Variants in CTNNA2 observed in about 807,000 individuals in gnomAD.
The protein encoded by CTNNA2 is catenin alpha-2.
A neutral mutation model predicts 101.0 loss-of-function variants in CTNNA2; 42 were observed. The ratio of observed to expected loss-of-function variants is 0.42; its 90% confidence interval spans 0.32 to 0.54. The LOEUF (loss-of-function observed/expected upper bound fraction) is 0.54. CTNNA2 is among the 20% of genes least tolerant of loss of function. The probability of loss-of-function intolerance (pLI) is 0.14; values close to 1 mark genes in which losing one functional copy is unlikely to be tolerated. For synonymous variants in CTNNA2, 450 were observed against 456.4 expected (o/e 0.99, Z 0.18); for missense variants, 871 against 1,223.1 (o/e 0.71, Z 4.29).
intron 9 of CTNNA2, among the ~76,000 whole-genome samples, chr2:80,449,899 A>C (rs1383118228): frequency 1.3e-5 from 2 of 152,198 alleles, no homozygotes; most frequent in Non-Finnish European, 2.9e-5. Context: ...TGTTCTACAC[A>C]GTAGAATGAG....
chr2:79,550,256 G>GT (rs1292007501), intron 1 of CTNNA2, among the ~76,000 whole-genome samples: 1 of 152,186 alleles, frequency 6.6e-6, no homozygotes, highest in Non-Finnish European at 1.5e-5. Context: ...ATTCTTCAGA[G>GT]TTATTCTTTT....
At chr2:80,232,341 G>GTTT (rs1286822049) in intron 7 of CTNNA2, among the ~76,000 whole-genome samples, 6 of 82,044 alleles carry the variant, frequency 7.3e-5, no homozygotes, top group East Asian at 6.1e-4. Flanking sequence ...TTGTTTGTTT[G>GTTT]TTTGTTTTTT....
At chr2:80,571,138 C>T (rs184964902) in intron 12 of CTNNA2, among the ~76,000 whole-genome samples, 1 of 152,182 alleles carries the variant, frequency 6.6e-6, no homozygotes, top group Non-Finnish European at 1.5e-5. Flanking sequence ...AACACCATAA[C>T]CTTTTTCACC....
chr2:79,717,645 G>T (rs547713499), intron 2 of CTNNA2, among the ~76,000 whole-genome samples: 1 of 152,184 alleles, frequency 6.6e-6, no homozygotes, highest in Non-Finnish European at 1.5e-5. Flanking sequence ...GAACTGAACT[G>T]ACCACCACTG....
chr2:79,268,630 A>G (rs938264350), intron 2 of CTNNA2, among the ~76,000 whole-genome samples: 1 of 152,086 alleles, frequency 6.6e-6, no homozygotes, highest in African/African-American at 2.4e-5. Context: ...CTTGAGGAAC[A>G]GAGGCCTCAA....
At chr2:79,383,853 C>T (rs149321242) in intron 4 of CTNNA2, among the ~76,000 whole-genome samples, 1 of 152,230 alleles carries the variant, frequency 6.6e-6, no homozygotes, top group African/African-American at 2.4e-5. Flanking sequence ...TGGATGACAG[C>T]AAATGGTACA....
At chr2:79,527,550 C>A (rs1672488680) in intron 1 of CTNNA2, among the ~76,000 whole-genome samples, 1 of 149,388 alleles carries the variant, frequency 6.7e-6, no homozygotes, top group African/African-American at 2.5e-5. Flanking sequence ...GAGACTGAGG[C>A]AGGAGAATAG....
intron 3 of CTNNA2, among the ~76,000 whole-genome samples, chr2:79,346,567 G>A (rs1182077488): frequency 1.3e-5 from 2 of 152,082 alleles, no homozygotes; most frequent in Non-Finnish European, 2.9e-5. Context: ...ATCCCTCCTT[G>A]AAGCCCATTG....
At chr2:80,432,718 C>A (rs1295055787) in intron 9 of CTNNA2, among the ~76,000 whole-genome samples, 2 of 152,156 alleles carry the variant, frequency 1.3e-5, no homozygotes, top group African/African-American at 4.8e-5. Context: ...CCAAATGATT[C>A]TCTTACCAAG....
At chr2:79,695,060 C>G (rs1246471715) in intron 2 of CTNNA2, among the ~76,000 whole-genome samples, 1 of 148,336 alleles carries the variant, frequency 6.7e-6, no homozygotes, top group Non-Finnish European at 1.5e-5. Context: ...GAAAAGAAAT[C>G]TTCTCTTTCA....
At chr2:80,595,339 T>TTC (rs1696861680) in intron 15 of CTNNA2, among the ~76,000 whole-genome samples, 1 of 152,188 alleles carries the variant, frequency 6.6e-6, no homozygotes, top group African/African-American at 2.4e-5. Flanking sequence ...CTTGCCTGAA[T>TTC]TCAATTATTA....
intron 1 of CTNNA2, among the ~76,000 whole-genome samples, chr2:79,527,901 G>T (rs1439776479): frequency 6.6e-6 from 1 of 152,106 alleles, no homozygotes; most frequent in Non-Finnish European, 1.5e-5. Flanking sequence ...TAGCCAAAAA[G>T]TTGAAAAATC....
intron 4 of CTNNA2, among the ~76,000 whole-genome samples, chr2:79,426,525 T>TA (rs1255566195): frequency 1.3e-5 from 2 of 152,094 alleles, no homozygotes; most frequent in Admixed American, 6.6e-5. Flanking sequence ...TCTCTATTTT[T>TA]AAAAAATTGT....
Position 79,380,428 on chromosome 2 carries a change from A to G in CTNNA2, c.-135+6415A>G, listed in dbSNP as rs562332970. Among the ~76,000 whole-genome samples the G allele has an allele frequency of 2.0e-4, 31 of 152,146 alleles. No homozygotes were observed. In the South Asian group the frequency reaches 4.6e-3, roughly 22 times the overall value. On this transcript the variant is annotated intron_variant, in intron 4 of 21. Transcript: ENST00000466387. Reference sequence around the variant, plus strand: ...GAATTTGGCAAACATTAGTCTGTCAAGCCAACTGGGCCCTAAAGAGATACA... The same window carrying G: ...GAATTTGGCAAACATTAGTCTGTCAGGCCAACTGGGCCCTAAAGAGATACA...
chr2:79,189,224 G>A (rs6730917), intron 1 of CTNNA2, among the ~76,000 whole-genome samples: 90,793 of 152,030 alleles, frequency 0.6, 29,336 homozygotes, highest in African/African-American at 0.86. Context: ...AATAACAAAT[G>A]TGTAAAATAA....
At chr2:79,286,415 T>C (rs555306533) in intron 2 of CTNNA2, among the ~76,000 whole-genome samples, 14 of 152,124 alleles carry the variant, frequency 9.2e-5, no homozygotes, top group African/African-American at 2.9e-4. Flanking sequence ...CCATGTTTAG[T>C]GCTTCCTTCA....
intron 18 of CTNNA2, among the ~76,000 whole-genome samples, chr2:80,636,803 T>G (rs958846974): frequency 6.6e-6 from 1 of 152,174 alleles, no homozygotes; most frequent in Admixed American, 6.5e-5. Context: ...GACTCTCTAT[T>G]ATCAATATTC....
intron 2 of CTNNA2, among the ~76,000 whole-genome samples, chr2:79,240,807 T>C (rs971764181): frequency 1.3e-5 from 2 of 151,974 alleles, no homozygotes; most frequent in Non-Finnish European, 2.9e-5. Flanking sequence ...TCTGGGGAAA[T>C]GTAAAATAAC....
chr2:79,261,337 C>T lies in CTNNA2; in HGVS notation c.-405-51372C>T, dbSNP rs140130750. 3.9e-3 allele frequency among the ~76,000 whole-genome samples: 596 copies of T among 152,296 alleles called. 2 individuals carry two copies. The highest frequency in any genetic ancestry group is 6.8e-3 in the Middle Eastern group (2 of 294). ...AAAATATGAGATTATCAACAGGCTA[C>T]GTGGAGACCCTGGGACACACATCTC... is the stretch of plus-strand genomic sequence containing the variant. On this transcript the variant is annotated intron_variant, in intron 2 of 21. Coordinates refer to the CTNNA2 transcript ENST00000466387.
Sources: gnomAD v4.1 joint callset for allele counts (sites outside exome capture counted in the v4.1 genomes callset) on GRCh38, gnomAD v4.1.1 for gene constraint, MANE v1.5 for transcripts, NCBI Gene and HGNC (gene_info 2026-07-23, HGNC 2026-07-21) for gene names.